The following CYLD variants were observed in gnomAD, a reference collection of about 807,000 sequenced individuals.
The protein encoded by CYLD is CYLD lysine 63 deubiquitinase.
CYLD carries 26 observed loss-of-function variants against 104.5 expected under a neutral mutation model. The ratio of observed to expected loss-of-function variants is 0.25; its 90% CI spans 0.18 to 0.35. The LOEUF (loss-of-function observed/expected upper bound fraction) is 0.35, where lower values mean the gene tolerates loss of function less well. Among genes scored for constraint, CYLD ranks in the 10% least tolerant of loss-of-function variants. The pLI, the probability that CYLD is intolerant of heterozygous loss-of-function variation, is 1.00. For missense variants in CYLD, 703 were observed against 1,136.1 expected (o/e 0.62, Z 5.48); for synonymous variants, 385 against 399.9 (o/e 0.96, Z 0.45).
rs1347507202 is a variant in CYLD at position 50,797,845 on chromosome 16, T to C, written c.*1337T>C. 4.3e-6 allele frequency: 1 copy of C among 232,594 alleles called. No homozygotes were observed. Among genetic ancestry groups the C allele is most frequent in the East Asian group, 6.1e-5 (1 of 16,514 alleles). 14.4% of individuals were successfully genotyped at this position (232,594 alleles called of 1,614,324 possible). On this transcript the variant is annotated 3_prime_UTR_variant, in exon 19 of 19. Transcript: ENST00000427738. ...CTTTTTTAAAGGCACTTTTACTCTT[T>C]GGTTTTATCATTCCATTTTGCTAAT...
In CYLD at chr16:50,796,531, A is replaced by G. The variant is rs1309619290; in HGVS notation, c.*23A>G. On this transcript the variant is annotated 3_prime_UTR_variant, in exon 19 of 19. Transcript: ENST00000427738. Reference sequence around the variant, plus strand: ...TAACTGGGGTCATCGGGAAAGGCAAAGAAACTGAAGGCAGAGTCCTAACGT... The same window carrying G: ...TAACTGGGGTCATCGGGAAAGGCAAGGAAACTGAAGGCAGAGTCCTAACGT... 5 of 1,609,838 alleles carry G rather than the reference A, an allele frequency of 3.1e-6. No individual in the cohort carries two copies. In the African/African-American group the frequency reaches 5.3e-5, roughly 17 times the overall value.
At position 50,749,764 on chromosome 16, in the gene CYLD, C is replaced by T. The variant is rs1457132244; in HGVS notation, c.66C>T (p.Tyr22=). 6 of 1,613,714 alleles carry T rather than the reference C, an allele frequency of 3.7e-6. No individual in the cohort carries two copies. In the Admixed American group the frequency reaches 5.0e-5, roughly 13 times the overall value. Reference sequence around the variant, plus strand: ...CCTACTGGGAAGAGCGGATTTTTTACTTGCTTCTTCAAGAATGCAGCGTTA... The same window carrying T: ...CCTACTGGGAAGAGCGGATTTTTTATTTGCTTCTTCAAGAATGCAGCGTTA... ...TSPYWEERIF[Y]LLLQECSVTD... is the part of the protein sequence containing the mutation. The change falls in exon 3 of 19, where the codon TAC becomes TAT. Residue 22 remains tyrosine (Y), a synonymous_variant. Coordinates refer to ENST00000427738, the MANE Select transcript of CYLD (RefSeq NM_001378743.1).
In CYLD at chr16:50,751,858, T is replaced by G; in HGVS notation, c.759T>G (p.Asp253Glu). ...AATCTGGAACAGTTATATTCTGTGATGTTTTGCCAGGAAAAGAAAGCTTAG... is the reference window on the plus strand; with the variant it reads ...AATCTGGAACAGTTATATTCTGTGAGGTTTTGCCAGGAAAAGAAAGCTTAG... ...TIESGTVIFC[D>E]VLPGKESLGY... Residue 253 changes from aspartate (D) to glutamate (E), a missense_variant, in exon 4 of 19, where the codon GAT becomes GAG. This residue lies in a region of CYLD where 123 missense variants were observed against 213.3 expected (regional missense o/e 0.58). Coordinates refer to ENST00000427738, the MANE Select transcript of CYLD (RefSeq NM_001378743.1). 1 of 1,613,076 alleles carries G rather than the reference T, an allele frequency of 6.2e-7. No individual in the cohort carries two copies. The highest frequency in any genetic ancestry group is 8.5e-7 in the Non-Finnish European group (1 of 1,179,446).
At position 50,791,594 on chromosome 16, in the gene CYLD, T is replaced by C. The variant is rs200905032; in HGVS notation, c.2145T>C (p.Tyr715=). The change falls in exon 15 of 19, where the codon TAT becomes TAC. Residue 715 remains tyrosine, a synonymous_variant. Coordinates refer to ENST00000427738, the MANE Select transcript of CYLD (RefSeq NM_001378743.1). ...AAAAGGTACAAGATTGTTACTTCTA[T>C]CAAATTTTTATGGAAAAAAATGAGA... ...AGQKVQDCYF[Y]QIFMEKNEKV... 99 of 1,613,784 alleles carry C rather than the reference T, an allele frequency of 6.1e-5. No homozygotes were observed. The highest frequency in any genetic ancestry group is 1.3e-5 in the African/African-American group (1 of 74,934).
intron 12 of CYLD, chr16:50,785,694 G>GA (rs1970742503): frequency 6.6e-6 from 1 of 152,154 alleles, no homozygotes; most frequent in Non-Finnish European, 1.5e-5. Flanking sequence ...TTCTTACCCT[G>GA]TCCACGGTAA....
chr16:50,795,654 A>G (rs1971965690), intron 18 of CYLD: 1 of 702,216 alleles, frequency 1.4e-6, no homozygotes, highest in Admixed American at 2.0e-5. Flanking sequence ...CTAGATCAAG[A>G]GTTCTCCACC....
chr16:50,796,956 A>G lies in CYLD; in HGVS notation c.*448A>G. ...GAAGAAATAATTTGGTTTTATTAAGAGTCTACTCTCAATCCAGTTATTAGA... is the reference window on the plus strand; with the variant it reads ...GAAGAAATAATTTGGTTTTATTAAGGGTCTACTCTCAATCCAGTTATTAGA... On this transcript the variant is annotated 3_prime_UTR_variant, in exon 19 of 19. Transcript: ENST00000427738. 3.3e-6 allele frequency: 1 copy of G among 305,086 alleles called. No homozygotes were observed. The highest frequency in any genetic ancestry group is 6.2e-6 in the Non-Finnish European group (1 of 160,562). 18.9% of individuals were successfully genotyped at this position (305,086 alleles called of 1,614,324 possible). A position where few individuals can be genotyped will look rare whatever the true frequency, so the allele number is the denominator to read the frequency against.
At position 50,799,789 on chromosome 16, in the gene CYLD, C is replaced by T. The variant is rs1972330349; in HGVS notation, c.*3281C>T. 4.3e-6 allele frequency: 1 copy of T among 232,928 alleles called. No individual in the cohort carries two copies. The highest frequency in any genetic ancestry group is 5.6e-5 in the Admixed American group (1 of 17,764). 14.4% of individuals were successfully genotyped at this position (232,928 alleles called of 1,614,324 possible). ...TAGCTGGATCTTGAAAATTATCTGG[C>T]CAGATAATTTTGCATCTGCTTGGAT... On this transcript the variant is annotated 3_prime_UTR_variant, in exon 19 of 19. Coordinates refer to ENST00000427738, the MANE Select transcript of CYLD (RefSeq NM_001378743.1).
At chr16:50,761,865 C>A (rs1233952636) in intron 5 of CYLD, among the ~76,000 whole-genome samples, 1 of 151,970 alleles carries the variant, frequency 6.6e-6, no homozygotes, top group Non-Finnish European at 1.5e-5. Context: ...GTAGAAGATA[C>A]CCTGTTGTCT....
intron 5 of CYLD, among the ~76,000 whole-genome samples, chr16:50,766,446 ATGT>A (rs1382170140): frequency 2.6e-5 from 4 of 152,244 alleles, no homozygotes; most frequent in South Asian, 4.1e-4. Flanking sequence ...AAGGAGATTA[ATGT>A]TGTTTTCATG....
chr16:50,758,469 C>A (rs575862571), intron 5 of CYLD, among the ~76,000 whole-genome samples: 63 of 152,076 alleles, frequency 4.1e-4, no homozygotes, highest in Non-Finnish European at 5.9e-4. Context: ...GACAACTCAC[C>A]CTAATTTGCA....
At chr16:50,795,513 T>A (rs1223688803) in intron 18 of CYLD, 1 of 702,722 alleles carries the variant, frequency 1.4e-6, no homozygotes. Flanking sequence ...GTGACTCTCA[T>A]GTTCCTCCAT....
Position 50,764,352 on chromosome 16 carries a change from G to T in CYLD, c.913+9928G>T, listed in dbSNP as rs75245947. Among the ~76,000 whole-genome samples, 14 of 152,204 alleles carry T rather than the reference G, an allele frequency of 9.2e-5. No homozygotes were observed. In the East Asian group the frequency reaches 1.5e-3, roughly 17 times the overall value. ...ACTGATGAAATATCCTTTAACATTT[G>T]TTTGTTTTTGATTGTCTTTTGCAAG... On this transcript the variant is annotated intron_variant, in intron 5 of 18. Transcript: ENST00000427738.
At position 50,796,366 on chromosome 16, in the gene CYLD, C is replaced by G; in HGVS notation, c.2729C>G (p.Pro910Arg). ...AACATTCCTCAAGTCACCCCATGCC[C>G]AGAAGTAGGAGAGTACTTGAAGATG... ...GFNIPQVTPC[P>R]EVGEYLKMSL... Residue 910 changes from proline (P) to arginine (R), a missense_variant, in exon 19 of 19, where the codon CCA (proline) becomes CGA (arginine). Physicochemically the swap from Pro to Arg is moderately radical, Grantham distance 103. Around this residue, in one of 5 missense-constraint regions of CYLD, gnomAD observed 130 missense variants for 220.2 expected, o/e 0.59. Transcript: ENST00000427738. 6.2e-7 allele frequency: 1 copy of G among 1,614,152 alleles called. No individual in the cohort carries two copies. The highest frequency in any genetic ancestry group is 1.6e-4 in the Middle Eastern group (1 of 6,062).
chr16:50,781,781 C>G, intron 10 of CYLD, among the ~76,000 whole-genome samples: 1 of 151,634 alleles, frequency 6.6e-6, no homozygotes, highest in East Asian at 1.9e-4. Flanking sequence ...GTGTATCTTA[C>G]AAAGAAATCA....
At chr16:50,769,305 C>T (rs544419944) in intron 5 of CYLD, among the ~76,000 whole-genome samples, 1 of 152,292 alleles carries the variant, frequency 6.6e-6, no homozygotes, top group African/African-American at 2.4e-5. Flanking sequence ...TTTACATTCC[C>T]AGAAGCAGTA....
chr16:50,760,107 C>T (rs1967733016), intron 5 of CYLD, among the ~76,000 whole-genome samples: 1 of 152,182 alleles, frequency 6.6e-6, no homozygotes, highest in Non-Finnish European at 1.5e-5. Context: ...ACTTATCCGT[C>T]ACGTTTTCTT....
At chr16:50,758,532 G>C (rs948039614) in intron 5 of CYLD, among the ~76,000 whole-genome samples, 7 of 152,244 alleles carry the variant, frequency 4.6e-5, no homozygotes, top group African/African-American at 1.7e-4. Flanking sequence ...ACAGAGGACA[G>C]AAACAGGGAG....
intron 5 of CYLD, among the ~76,000 whole-genome samples, chr16:50,762,900 C>A (rs945034932): frequency 1.3e-5 from 2 of 152,102 alleles, no homozygotes; most frequent in Admixed American, 1.3e-4. Context: ...GTTTATAATT[C>A]ACTCAGAGTG....
Sources: allele counts gnomAD v4.1 joint callset (sites outside exome capture counted in the v4.1 genomes callset), GRCh38; gene constraint gnomAD v4.1.1; regional missense constraint gnomAD v4.1.1; transcripts MANE v1.5; gene names NCBI Gene and HGNC (gene_info 2026-07-23, HGNC 2026-07-21).